The following GABRB1 variants were observed in gnomAD, a reference collection of about 807,000 sequenced individuals.
GABRB1 encodes the protein gamma-aminobutyric acid type A receptor subunit beta1, also known as gamma-aminobutyric acid receptor subunit beta-1.
Under a neutral mutation model 51.6 loss-of-function variants are expected in GABRB1, and 17 were observed. The ratio of observed to expected loss-of-function variants is 0.33; its 90% CI spans 0.23 to 0.49. The LOEUF is 0.49. GABRB1 is among the 20% of genes least tolerant of loss of function. GABRB1 has a pLI of 0.99. For missense variants in GABRB1, 410 were observed against 600.6 expected, an observed-to-expected ratio of 0.68 and a Z score of 3.32; for synonymous variants, 247 against 218.9, an observed-to-expected ratio of 1.13 and a Z score of -1.14.
At chr4:47,351,573 C>T (rs1293529308) in intron 5 of GABRB1, among the ~76,000 whole-genome samples, 1 of 121,136 alleles carries the variant, frequency 8.3e-6, no homozygotes, top group Non-Finnish European at 1.7e-5. Flanking sequence ...CCCCACCCCA[C>T]AACAGTCCCC....
chr4:47,290,370 C>A (rs1723679052), intron 4 of GABRB1, among the ~76,000 whole-genome samples: 1 of 152,218 alleles, frequency 6.6e-6, no homozygotes, highest in South Asian at 2.1e-4. Flanking sequence ...GATTGTGAGG[C>A]CTCCTCCACC....
At chr4:47,330,507 A>G (rs1725438850) in intron 5 of GABRB1, among the ~76,000 whole-genome samples, 1 of 152,216 alleles carries the variant, frequency 6.6e-6, no homozygotes, top group South Asian at 2.1e-4. Flanking sequence ...AGGTAGATTT[A>G]GAAGTTAAGA....
chr4:47,276,896 T>G (rs1479335614), intron 4 of GABRB1, among the ~76,000 whole-genome samples: 1 of 151,198 alleles, frequency 6.6e-6, no homozygotes, highest in East Asian at 1.9e-4. Flanking sequence ...TCCTGTGGAG[T>G]GGGGTGGAGG....
chr4:47,340,723 T>A (rs928409814), intron 5 of GABRB1, among the ~76,000 whole-genome samples: 6 of 152,136 alleles, frequency 3.9e-5, no homozygotes, highest in African/African-American at 1.4e-4. Context: ...CATAAAAATG[T>A]TCTGTAAACA....
At position 47,276,127 on chromosome 4, in the gene GABRB1, A is replaced by T. The variant is rs1366522890; in HGVS notation, c.462-44000A>T. Among the ~76,000 whole-genome samples, 3 of 152,280 alleles carry T rather than the reference A, an allele frequency of 2.0e-5. No individual in the cohort carries two copies. The South Asian group carries it at 6.2e-4, about 32-fold the overall frequency. ...ACAGAGAAAATATTCATCAAAATGT[A>T]TCACATGGAAGCATATTAAATGTAT... On this transcript the variant is annotated intron_variant, in intron 4 of 8. Transcript: ENST00000295454.
chr4:47,231,700 A>G (rs979999217), intron 4 of GABRB1, among the ~76,000 whole-genome samples: 3 of 152,202 alleles, frequency 2.0e-5, no homozygotes, highest in African/African-American at 7.2e-5. Context: ...CTTTGAGTAC[A>G]TGAACTGTGC....
intron 3 of GABRB1, among the ~76,000 whole-genome samples, chr4:47,160,526 T>C (rs1393605417): frequency 2.6e-5 from 4 of 152,132 alleles, no homozygotes; most frequent in Non-Finnish European, 5.9e-5. Flanking sequence ...TTTCAGTGCA[T>C]TCAGTTTTAG....
chr4:47,172,235 CAT>C (rs1382159346), intron 4 of GABRB1, among the ~76,000 whole-genome samples: 5 of 152,124 alleles, frequency 3.3e-5, no homozygotes, highest in Non-Finnish European at 5.9e-5. Context: ...ATACAATAAA[CAT>C]ATTTTTAAGG....
intron 4 of GABRB1, among the ~76,000 whole-genome samples, chr4:47,295,653 G>A (rs986888220): frequency 2.0e-5 from 3 of 152,332 alleles, no homozygotes; most frequent in East Asian, 3.9e-4. Context: ...GAAAGTGACG[G>A]GGAGAATGGA....
chr4:47,166,942 C>T (rs1028989705), intron 4 of GABRB1, among the ~76,000 whole-genome samples: 2 of 152,096 alleles, frequency 1.3e-5, no homozygotes, highest in African/African-American at 4.8e-5. Flanking sequence ...ATTTGATGCC[C>T]TACTGCAATT....
intron 1 of GABRB1, among the ~76,000 whole-genome samples, chr4:46,996,071 T>A (rs1297831761): frequency 1.2e-4 from 5 of 41,896 alleles, no homozygotes; most frequent in Non-Finnish European, 2.3e-4. Flanking sequence ...TAACTTGAGG[T>A]TTTTTTTTTT....
chr4:47,221,804 C>T (rs1006772070), intron 4 of GABRB1, among the ~76,000 whole-genome samples: 2 of 152,022 alleles, frequency 1.3e-5, no homozygotes, highest in South Asian at 4.1e-4. Flanking sequence ...CAGACCAATA[C>T]ATTTTCTTGT....
chr4:47,032,335 A>G (rs1439156837), intron 2 of GABRB1, 82 bp from the exon 3 acceptor site: 2 of 1,248,674 alleles, frequency 1.6e-6, no homozygotes, highest in Non-Finnish European at 2.2e-6. Flanking sequence ...AGAATGGAGT[A>G]AGGGCTGGGA....
At chr4:47,036,947 T>A (rs944247023) in intron 3 of GABRB1, among the ~76,000 whole-genome samples, 1 of 151,860 alleles carries the variant, frequency 6.6e-6, no homozygotes, top group Non-Finnish European at 1.5e-5. Flanking sequence ...TCTTTAGGAA[T>A]GTTATTATTT....
intron 4 of GABRB1, among the ~76,000 whole-genome samples, chr4:47,162,177 T>A (rs1717985893): frequency 6.6e-6 from 1 of 152,210 alleles, no homozygotes; most frequent in East Asian, 1.9e-4. Flanking sequence ...ACAGTTCCCT[T>A]GAGTCTATTG....
At chr4:47,398,765 G>T (rs777377560) in intron 5 of GABRB1, among the ~76,000 whole-genome samples, 5 of 147,284 alleles carry the variant, frequency 3.4e-5, no homozygotes, top group African/African-American at 1.3e-4. Context: ...TTTGTGTGAG[G>T]TTTTTTTGTT....
intron 3 of GABRB1, among the ~76,000 whole-genome samples, chr4:47,148,441 G>A (rs989082236): frequency 6.6e-6 from 1 of 152,046 alleles, no homozygotes; most frequent in African/African-American, 2.4e-5. Context: ...TGTAAATTAA[G>A]AGACATTTAG....
At chr4:47,306,223 G>GTAAAA (rs1170676438) in intron 4 of GABRB1, among the ~76,000 whole-genome samples, 1 of 91,306 alleles carries the variant, frequency 1.1e-5, no homozygotes, top group Admixed American at 1.3e-4. Context: ...AGAACTTAAA[G>GTAAAA]TAAAATAAAA....
chr4:47,304,061 G>A (rs1309163273), intron 4 of GABRB1, among the ~76,000 whole-genome samples: 1 of 152,042 alleles, frequency 6.6e-6, no homozygotes, highest in African/African-American at 2.4e-5. Flanking sequence ...CCATTCAACT[G>A]TTAATGGACA....
Sources: gnomAD v4.1 joint callset for allele counts (sites outside exome capture counted in the v4.1 genomes callset) on GRCh38, gnomAD v4.1.1 for gene constraint, MANE v1.5 for transcripts, NCBI Gene and HGNC (gene_info 2026-07-23, HGNC 2026-07-21) for gene names.